CLVS1: variants seen among roughly 807,000 people sequenced by gnomAD.
CLVS1 encodes clavesin 1.
A neutral mutation model predicts 33.1 loss-of-function variants in CLVS1; 10 were observed. That is an observed-to-expected ratio of 0.30 (90% CI 0.19 to 0.51). The LOEUF is 0.51. Ranked by LOEUF, CLVS1 falls within the 20% of genes least tolerant of loss-of-function variation. The pLI is 0.97. For missense variants in CLVS1, 343 were observed against 433.4 expected (o/e 0.79, Z 1.85); for synonymous variants, 163 against 166.1 (o/e 0.98, Z 0.14).
At chr8:61,155,767 C>A (rs1003715472) in intron 2 of CLVS1, among the ~76,000 whole-genome samples, 2 of 152,098 alleles carry the variant, frequency 1.3e-5, no homozygotes, top group Non-Finnish European at 2.9e-5. Flanking sequence ...CTCTGAGGCT[C>A]TCTTTATCCA....
At chr8:61,015,354 A>G in the CLVS1 span, among the ~76,000 whole-genome samples, 1 of 152,344 alleles carries the variant, frequency 6.6e-6, no homozygotes, top group Middle Eastern at 3.4e-3. Context: ...TAGTAATTGA[A>G]GAGTTGAGCT....
chr8:61,149,571 A>AAAAAAAAC (rs1252529979), intron 2 of CLVS1, among the ~76,000 whole-genome samples: 6 of 149,956 alleles, frequency 4.0e-5, no homozygotes, highest in South Asian at 2.1e-4. Context: ...AAAAAAAACA[A>AAAAAAAAC]AAAACAAAAC....
chr8:61,417,356 C>A (rs964442217), intron 3 of CLVS1, among the ~76,000 whole-genome samples: 4 of 152,126 alleles, frequency 2.6e-5, no homozygotes, highest in African/African-American at 9.7e-5. Flanking sequence ...ATATTTTTTT[C>A]TCCCAGACGT....
At chr8:61,460,366 C>G (rs996722997) in intron 5 of CLVS1, among the ~76,000 whole-genome samples, 9 of 152,070 alleles carry the variant, frequency 5.9e-5, no homozygotes, top group African/African-American at 2.4e-5. Context: ...AGTGACAATA[C>G]CAGCCATTTA....
intron 2 of CLVS1, among the ~76,000 whole-genome samples, chr8:61,305,728 G>A (rs1270468007): frequency 6.6e-6 from 1 of 151,910 alleles, no homozygotes; most frequent in African/African-American, 2.4e-5. Context: ...CCTCTGAAAG[G>A]CCCCAGTGTT....
chr8:60,995,277 A>C, the CLVS1 span, among the ~76,000 whole-genome samples: 1 of 152,004 alleles, frequency 6.6e-6, no homozygotes, highest in Non-Finnish European at 1.5e-5. Context: ...CAAAGGGCTA[A>C]TATCCAGAAT....
chr8:61,047,518 A>T, the CLVS1 span, among the ~76,000 whole-genome samples: 2 of 152,230 alleles, frequency 1.3e-5, no homozygotes, highest in African/African-American at 2.4e-5. Flanking sequence ...CACTATTCAC[A>T]ATAGCAAAGA....
intron 3 of CLVS1, among the ~76,000 whole-genome samples, chr8:61,416,909 T>C (rs1020514271): frequency 1.3e-5 from 2 of 152,050 alleles, no homozygotes; most frequent in African/African-American, 4.8e-5. Context: ...TCTAGAGAGT[T>C]TGAGAGGGTG....
chr8:61,347,798 G>C (rs1435947498), intron 2 of CLVS1, among the ~76,000 whole-genome samples: 1 of 150,112 alleles, frequency 6.7e-6, no homozygotes, highest in African/African-American at 2.5e-5. Context: ...CTCAGAGGTG[G>C]GATTGCTGAA....
At chr8:61,336,539 C>T (rs771412647) in intron 2 of CLVS1, among the ~76,000 whole-genome samples, 5 of 152,104 alleles carry the variant, frequency 3.3e-5, no homozygotes, top group Non-Finnish European at 7.4e-5. Flanking sequence ...GCAGAACCCT[C>T]CCTGGTACTG....
At chr8:60,970,026 C>T in the CLVS1 span, among the ~76,000 whole-genome samples, 5 of 152,124 alleles carry the variant, frequency 3.3e-5, no homozygotes, top group Non-Finnish European at 7.3e-5. Context: ...TCCCCCGATA[C>T]GTCAAGGAGC....
intron 2 of CLVS1, among the ~76,000 whole-genome samples, chr8:61,320,203 A>G (rs1022823649): frequency 1.3e-5 from 2 of 152,034 alleles, no homozygotes; most frequent in African/African-American, 4.8e-5. Context: ...CCTTGTTTCA[A>G]GCTTTTCTGT....
chr8:61,299,747 A>G lies in CLVS1; in HGVS notation c.-81A>G. 9.9e-7 allele frequency: 1 copy of G among 1,009,134 alleles called. No homozygotes were observed. The highest frequency in any genetic ancestry group is 1.6e-5 in the South Asian group (1 of 62,248). 62.5% of individuals were successfully genotyped at this position (1,009,134 alleles called of 1,614,324 possible). On this transcript the variant is annotated 5_prime_UTR_variant, in exon 2 of 6. Coordinates refer to ENST00000325897, the MANE Select transcript of CLVS1 (RefSeq NM_173519.3). ...ACATAGGGCCTGAATGTGAAAGAAG[A>G]CCCTCTATTTGTCTGTTCCGGGGCA...
chr8:61,351,272 A>C (rs1563510345), intron 2 of CLVS1, among the ~76,000 whole-genome samples: 2 of 152,176 alleles, frequency 1.3e-5, no homozygotes, highest in Non-Finnish European at 2.9e-5. Context: ...GAAAAAATTT[A>C]ACAAAATAAA....
At chr8:61,358,148 TC>T (rs1216161837) in intron 2 of CLVS1, among the ~76,000 whole-genome samples, 1 of 152,220 alleles carries the variant, frequency 6.6e-6, no homozygotes, top group Non-Finnish European at 1.5e-5. Flanking sequence ...CCAATCTGGA[TC>T]TTTCAAACAG....
Position 61,388,381 on chromosome 8 carries a change from G to C in CLVS1, c.630+11602G>C, listed in dbSNP as rs145858894. Among the ~76,000 whole-genome samples, 351 of 150,442 alleles carry C rather than the reference G, an allele frequency of 2.3e-3. 3 individuals are homozygous for C. Among genetic ancestry groups the C allele is most frequent in the African/African-American group, 7.7e-3 (317 of 41,092 alleles). ...TAAGTGGTCAGTATGACAACACCTT[G>C]ATATCATATCTGTTTGTAATATTTT... On this transcript the variant is annotated intron_variant, in intron 3 of 5. Coordinates refer to ENST00000325897, the MANE Select transcript of CLVS1 (RefSeq NM_173519.3).
chr8:61,290,572 T>C (rs1809949772), intron 1 of CLVS1, among the ~76,000 whole-genome samples: 1 of 152,208 alleles, frequency 6.6e-6, no homozygotes, highest in Admixed American at 6.5e-5. Flanking sequence ...GAATTGGTAG[T>C]GTCTGCTCAC....
chr8:60,992,107 C>T, the CLVS1 span, among the ~76,000 whole-genome samples: 1 of 152,180 alleles, frequency 6.6e-6, no homozygotes, highest in South Asian at 2.1e-4. Flanking sequence ...CCTTCCCATG[C>T]CATCCCCTGG....
chr8:60,999,818 A>G, the CLVS1 span, among the ~76,000 whole-genome samples: 1 of 152,030 alleles, frequency 6.6e-6, no homozygotes, highest in South Asian at 2.1e-4. Flanking sequence ...TGCTGTGAAC[A>G]CCTGGAGTAC....
Sources: gnomAD v4.1 joint callset for allele counts (sites outside exome capture counted in the v4.1 genomes callset) on GRCh38, gnomAD v4.1.1 for gene constraint, MANE v1.5 for transcripts, NCBI Gene and HGNC (gene_info 2026-07-23, HGNC 2026-07-21) for gene names.